Variants in FGF7 observed in about 807,000 individuals in gnomAD.
The protein encoded by FGF7 is FGF-7.
Under a neutral mutation model 20.5 loss-of-function variants are expected in FGF7, and 6 were observed. The observed-to-expected ratio is 0.29, with a 90% confidence interval of 0.16 to 0.58. The LOEUF (loss-of-function observed/expected upper bound fraction) is 0.58. Among genes scored for constraint, FGF7 ranks in the 20% least tolerant of loss-of-function variants. The pLI is 0.90. For synonymous variants in FGF7, 64 were observed against 74.7 expected (o/e 0.86, Z 0.74); for missense variants, 144 against 228.8 (o/e 0.63, Z 2.39).
intron 2 of FGF7, among the ~76,000 whole-genome samples, chr15:49,461,934 C>G (rs909832925): frequency 2.0e-5 from 3 of 152,176 alleles, no homozygotes; most frequent in Admixed American, 1.3e-4. Flanking sequence ...CTTTGGGAGG[C>G]CGAAGCAGGC....
At chr15:49,438,812 G>T (rs1035346514) in intron 2 of FGF7, among the ~76,000 whole-genome samples, 7 of 147,828 alleles carry the variant, frequency 4.7e-5, no homozygotes, top group Non-Finnish European at 1.0e-4. Context: ...GTTGTTAAAT[G>T]TTACCAATAG....
chr15:49,487,649 C>T lies in FGF7; in HGVS notation c.*3145C>T, dbSNP rs2056513749. Reference sequence around the variant, plus strand: ...TAACAAGAAAAACTCTAAAACAGTGCCCCTTACGATTTTCTACTGAAATTT... The same window carrying T: ...TAACAAGAAAAACTCTAAAACAGTGTCCCTTACGATTTTCTACTGAAATTT... On this transcript the variant is annotated 3_prime_UTR_variant, in exon 4 of 4. Coordinates refer to ENST00000267843, the MANE Select transcript of FGF7 (RefSeq NM_002009.4). 1 of 151,822 alleles carries T rather than the reference C, an allele frequency of 6.6e-6. No individual in the cohort carries two copies. The highest frequency in any genetic ancestry group is 1.5e-5 in the Non-Finnish European group (1 of 67,886). 9.4% of individuals were successfully genotyped at this position (151,822 alleles called of 1,614,324 possible).
intron 2 of FGF7, among the ~76,000 whole-genome samples, chr15:49,477,183 A>G (rs1346535415): frequency 6.6e-6 from 1 of 152,232 alleles, no homozygotes; most frequent in East Asian, 1.9e-4. Context: ...AGATGAGCCA[A>G]TATTTATTTA....
chr15:49,481,825 T>C (rs1396575314), intron 2 of FGF7, among the ~76,000 whole-genome samples: 1 of 152,184 alleles, frequency 6.6e-6, no homozygotes, highest in Non-Finnish European at 1.5e-5. Context: ...AACTCTCAAC[T>C]GGACGAGCTC....
At position 49,486,408 on chromosome 15, in the gene FGF7, T is replaced by C. The variant is rs1384369433; in HGVS notation, c.*1904T>C. 1 of 152,002 alleles carries C rather than the reference T, an allele frequency of 6.6e-6. No individual in the cohort carries two copies. Among genetic ancestry groups the C allele is most frequent in the Non-Finnish European group, 1.5e-5 (1 of 67,940 alleles). The allele number at this position is 152,002 out of a possible 1,614,324, so 9.4% of individuals were successfully genotyped here. A position where few individuals can be genotyped will look rare whatever the true frequency, so the allele number is the denominator to read the frequency against. On this transcript the variant is annotated 3_prime_UTR_variant, in exon 4 of 4. Transcript: ENST00000267843. ...TTTTGAGGTCAGGCTTCAGTAACTG[T>C]AGTCTTGTGAGCATATTGAGGGCAG... is the stretch of plus-strand genomic sequence containing the variant.
chr15:49,429,843 C>A (rs1363983710), intron 2 of FGF7, among the ~76,000 whole-genome samples: 1 of 151,892 alleles, frequency 6.6e-6, no homozygotes, highest in Non-Finnish European at 1.5e-5. Flanking sequence ...AAGTCAGAAT[C>A]TCACAAAGGT....
chr15:49,463,960 T>A (rs900457400), intron 2 of FGF7, among the ~76,000 whole-genome samples: 8 of 152,188 alleles, frequency 5.3e-5, no homozygotes, highest in African/African-American at 1.9e-4. Context: ...GAGTTACTAT[T>A]TTTATCCTAG....
At chr15:49,475,133 C>T (rs1326510878) in intron 2 of FGF7, among the ~76,000 whole-genome samples, 1 of 151,828 alleles carries the variant, frequency 6.6e-6, no homozygotes, top group Admixed American at 6.6e-5. Context: ...ATTTTTTCAC[C>T]CTGCACTCCG....
chr15:49,470,916 G>A (rs74899493), intron 2 of FGF7, among the ~76,000 whole-genome samples: 1,623 of 152,322 alleles, frequency 0.011, 32 homozygotes, highest in African/African-American at 0.034. Flanking sequence ...ATTCCAGGAT[G>A]TAAGGACACC....
At chr15:49,472,411 T>C (rs1253313789) in intron 2 of FGF7, among the ~76,000 whole-genome samples, 1 of 152,186 alleles carries the variant, frequency 6.6e-6, no homozygotes, top group Non-Finnish European at 1.5e-5. Flanking sequence ...TTCTGCTGGG[T>C]ACCTTTTATG....
intron 2 of FGF7, among the ~76,000 whole-genome samples, chr15:49,479,651 T>C (rs1408127438): frequency 7.2e-6 from 1 of 139,628 alleles, no homozygotes; most frequent in African/African-American, 2.7e-5. Context: ...CTAGCTCTTG[T>C]TGTCCAGGCT....
rs565470379 is a variant in FGF7, at chr15:49,484,396, C to G, written c.477C>G (p.Asn159Lys). Residue 159 changes from asparagine to lysine, a missense_variant, in exon 4 of 4, where the codon AAC (asparagine) becomes AAG (lysine). Asn to Lys is a moderately conservative substitution (Grantham distance 94, BLOSUM62 0). Around this residue, in one of 2 missense-constraint regions of FGF7, gnomAD observed 56 missense variants for 125.4 expected, o/e 0.45. Transcript: ENST00000267843. ...NTYASAKWTH[N>K]GGEMFVALNQ... ...ATGCATCAGCTAAATGGACACACAA[C>G]GGAGGGGAAATGTTTGTTGCCTTAA... 1.1e-5 allele frequency: 17 copies of G among 1,591,670 alleles called. No homozygotes were observed. In the South Asian group the frequency reaches 1.3e-4, roughly 12 times the overall value.
chr15:49,488,681 T>C lies in FGF7; in HGVS notation c.*4177T>C, dbSNP rs2152041818. ...ATTGAAATGTGAGATGAAAATAACA[T>C]TTCACTTATGAAAAACCCTTCTCTT... is the stretch of plus-strand genomic sequence containing the variant. On this transcript the variant is annotated 3_prime_UTR_variant, in exon 4 of 4. Coordinates refer to ENST00000267843, the MANE Select transcript of FGF7 (RefSeq NM_002009.4). The C allele has an allele frequency of 6.6e-6, 1 of 152,168 alleles. No homozygotes were observed. Among genetic ancestry groups the C allele is most frequent in the Non-Finnish European group, 1.5e-5 (1 of 67,944 alleles). 9.4% of individuals were successfully genotyped at this position (152,168 alleles called of 1,614,324 possible). A position where few individuals can be genotyped will look rare whatever the true frequency, so the allele number is the denominator to read the frequency against.
chr15:49,438,046 T>C (rs2051275346), intron 2 of FGF7, among the ~76,000 whole-genome samples: 2 of 151,534 alleles, frequency 1.3e-5, no homozygotes, highest in African/African-American at 4.8e-5. Flanking sequence ...AAATAGTACA[T>C]GAAGAAAAAG....
intron 2 of FGF7, among the ~76,000 whole-genome samples, chr15:49,453,195 T>C (rs1478491664): frequency 6.6e-6 from 1 of 152,094 alleles, no homozygotes; most frequent in Non-Finnish European, 1.5e-5. Context: ...TTTTTTAAAA[T>C]TTGAATATGT....
intron 2 of FGF7, among the ~76,000 whole-genome samples, chr15:49,480,722 T>C (rs1567362211): frequency 1.3e-5 from 2 of 151,956 alleles, no homozygotes; most frequent in Non-Finnish European, 1.5e-5. Context: ...ACCTCAAGTG[T>C]TCCGCCTGAC....
chr15:49,484,223 A>G (rs2056205201), intron 3 of FGF7, 87 bp from the exon 4 acceptor site: 4 of 924,498 alleles, frequency 4.3e-6, no homozygotes, highest in African/African-American at 1.7e-5. Context: ...TTTCAATTCT[A>G]CCAAATATTA....
intron 2 of FGF7, among the ~76,000 whole-genome samples, chr15:49,456,144 T>C (rs1365466427): frequency 6.6e-6 from 1 of 152,134 alleles, no homozygotes; most frequent in Non-Finnish European, 1.5e-5. Context: ...ACACATTTGA[T>C]TGAGATTTTT....
rs547559840 is a variant in FGF7 at position 49,468,111 on chromosome 15, T to G, written c.287-15040T>G. On this transcript the variant is annotated intron_variant, in intron 2 of 3. Transcript: ENST00000267843. ...GTACTTTCTAAAGATTTTCTAATGT[T>G]TTATTTTCTTAATAAATCCCTGAAT... 6.6e-5 allele frequency among the ~76,000 whole-genome samples: 10 copies of G among 152,308 alleles called. No individual in the cohort carries two copies. The South Asian group carries it at 1.9e-3, about 28-fold the overall frequency.
Sources: allele counts gnomAD v4.1 joint callset (sites outside exome capture counted in the v4.1 genomes callset), GRCh38; gene constraint gnomAD v4.1.1; regional missense constraint gnomAD v4.1.1; transcripts MANE v1.5; gene names NCBI Gene and HGNC (gene_info 2026-07-23, HGNC 2026-07-21).